Variants in AKAP10 observed in about 807,000 individuals in gnomAD.
The protein encoded by AKAP10 is A-kinase anchor protein 10, mitochondrial.
AKAP10 carries 24 observed loss-of-function variants against 80.8 expected under a neutral mutation model. That is an observed-to-expected ratio of 0.30 (90% confidence interval 0.22 to 0.42). AKAP10 has a LOEUF of 0.42. Ranked by LOEUF, AKAP10 falls within the 10% of genes least tolerant of loss-of-function variation. AKAP10 has a pLI of 1.00. For synonymous variants in AKAP10, 291 were observed against 277.7 expected (o/e 1.05, Z -0.48); for missense variants, 661 against 794.9 (o/e 0.83, Z 2.03).
Position 19,906,195 on chromosome 17 carries a change from A to G in AKAP10, c.*32T>C. Reference sequence around the variant, plus strand: ...AGGGAAAAAAGTTCTCTTATTTTTCACAAGCAGATTTCCTTTATCTCAAGT... The same window carrying G: ...AGGGAAAAAAGTTCTCTTATTTTTCGCAAGCAGATTTCCTTTATCTCAAGT... On this transcript the variant is annotated 3_prime_UTR_variant, in exon 15 of 15. Transcript: ENST00000225737. 1.9e-6 allele frequency: 3 copies of G among 1,601,264 alleles called. No individual in the cohort carries two copies. Among genetic ancestry groups the G allele is most frequent in the Non-Finnish European group, 1.7e-6 (2 of 1,171,750 alleles).
At chr17:19,937,039 T>TA (rs988616353) in intron 8 of AKAP10, among the ~76,000 whole-genome samples, 2 of 151,576 alleles carry the variant, frequency 1.3e-5, no homozygotes, top group African/African-American at 4.9e-5. Context: ...CTTGATGGGG[T>TA]ATAATGCAGG....
intron 8 of AKAP10, among the ~76,000 whole-genome samples, chr17:19,937,613 G>T (rs1035657988): frequency 6.6e-6 from 1 of 152,158 alleles, no homozygotes; most frequent in Non-Finnish European, 1.5e-5. Context: ...ACTCCTCCAC[G>T]ACTTGAATGT....
At chr17:19,942,402 G>T (rs1477627850) in intron 5 of AKAP10, among the ~76,000 whole-genome samples, 1 of 152,000 alleles carries the variant, frequency 6.6e-6, no homozygotes, top group African/African-American at 2.4e-5. Flanking sequence ...CTAGTAAACT[G>T]GCCCAACATT....
chr17:19,925,021 G>A (rs535599459), intron 10 of AKAP10, among the ~76,000 whole-genome samples: 14 of 152,106 alleles, frequency 9.2e-5, no homozygotes, highest in Non-Finnish European at 1.9e-4. Context: ...AAAATTAGCC[G>A]GGCATGGTGG....
intron 9 of AKAP10, among the ~76,000 whole-genome samples, chr17:19,932,927 GT>G (rs1049405266): frequency 6.6e-6 from 1 of 151,944 alleles, no homozygotes; most frequent in African/African-American, 2.4e-5. Context: ...CGAAGGAAAA[GT>G]TTGTAACTGG....
At chr17:19,918,709 T>A (rs1433058679) in intron 12 of AKAP10, among the ~76,000 whole-genome samples, 1 of 152,208 alleles carries the variant, frequency 6.6e-6, no homozygotes, top group Non-Finnish European at 1.5e-5. Context: ...TACTGTCAAT[T>A]CAACCAAACT....
Position 19,962,954 on chromosome 17 carries a change from T to C in AKAP10, c.205A>G (p.Ser69Gly), listed in dbSNP as rs762802969. Residue 69 changes from serine (S) to glycine (G), a missense_variant, in exon 3 of 15, where the codon AGT (serine) becomes GGT (glycine). Transcript: ENST00000225737. Reference sequence around the variant, plus strand: ...GAAATGGCATTGATTGCAACATGACTTGGTCCTGCAGCCTCCAGCAAGGCA... The same window carrying C: ...GAAATGGCATTGATTGCAACATGACCTGGTCCTGCAGCCTCCAGCAAGGCA... ...NHALLEAAGP[S>G]HVAINAISAN... 1.9e-6 allele frequency: 3 copies of C among 1,614,010 alleles called. No individual in the cohort carries two copies. The Admixed American group carries it at 5.0e-5, about 27-fold the overall frequency.
rs1273839570 is a variant in AKAP10, at chr17:19,977,581, C to T, written c.88+11G>A. ...CCCGGCCTGACTCCCCGCCGGCGCCCCCTCAGCTACCTTTCCGCCGGAAGA... is the reference window on the plus strand; with the variant it reads ...CCCGGCCTGACTCCCCGCCGGCGCCTCCTCAGCTACCTTTCCGCCGGAAGA... On this transcript the variant is annotated intron_variant, in intron 1 of 14. Transcript: ENST00000225737. 23 of 1,233,466 alleles carry T rather than the reference C, an allele frequency of 1.9e-5. No individual in the cohort carries two copies. The highest frequency in any genetic ancestry group is 2.3e-5 in the Non-Finnish European group (23 of 987,800). The allele number at this position is 1,233,466 out of a possible 1,614,324, so 76.4% of individuals were successfully genotyped here. A position where few individuals can be genotyped will look rare whatever the true frequency, so the allele number is the denominator to read the frequency against.
rs184929671 is a variant in AKAP10 at position 19,963,569 on chromosome 17, G to A, written c.137-547C>T. ...CTTTAGGAACAAAACTAAAATTGCAGAATAAATGCTTGGGGTGGGGGGAAC... is the reference window on the plus strand; with the variant it reads ...CTTTAGGAACAAAACTAAAATTGCAAAATAAATGCTTGGGGTGGGGGGAAC... On this transcript the variant is annotated intron_variant, in intron 2 of 14. Coordinates refer to ENST00000225737, the MANE Select transcript of AKAP10 (RefSeq NM_007202.4). 2.0e-5 allele frequency among the ~76,000 whole-genome samples: 3 copies of A among 151,968 alleles called. No homozygotes were observed. In the South Asian group the frequency reaches 6.2e-4, roughly 31 times the overall value.
chr17:19,936,259 T>C (rs1222204557), intron 9 of AKAP10, 27 bp downstream of exon 9: 1 of 1,593,810 alleles, frequency 6.3e-7, no homozygotes, highest in Non-Finnish European at 8.6e-7. Context: ...CTTCTTGTAG[T>C]TTGATACGTT....
chr17:19,933,055 G>A (rs531105509), intron 9 of AKAP10, among the ~76,000 whole-genome samples: 59 of 152,024 alleles, frequency 3.9e-4, no homozygotes, highest in Non-Finnish European at 6.5e-4. Flanking sequence ...TTTCGCTTTT[G>A]TCCCCCGGGC....
chr17:19,921,842 G>A (rs529442021), intron 11 of AKAP10, among the ~76,000 whole-genome samples: 9 of 152,230 alleles, frequency 5.9e-5, no homozygotes, highest in Admixed American at 5.2e-4. Flanking sequence ...ACTATGAGAT[G>A]CTCTGCTACA....
At chr17:19,975,631 G>A (rs1194765079) in intron 1 of AKAP10, among the ~76,000 whole-genome samples, 2 of 152,078 alleles carry the variant, frequency 1.3e-5, no homozygotes, top group Admixed American at 6.6e-5. Flanking sequence ...CACTTACATG[G>A]AGCGAAAGGG....
chr17:19,929,556 G>A (rs1162804012), intron 10 of AKAP10: 7 of 152,090 alleles, frequency 4.6e-5, no homozygotes, highest in African/African-American at 1.7e-4. Context: ...GGTTAGTTCT[G>A]CTTGTGAACA....
intron 2 of AKAP10, among the ~76,000 whole-genome samples, chr17:19,966,102 TATATA>T (rs1205250504): frequency 1.3e-5 from 2 of 152,240 alleles, no homozygotes; most frequent in Non-Finnish European, 2.9e-5. Flanking sequence ...TAAAATAACA[TATATA>T]ACATATATAA....
At chr17:19,942,094 G>C (rs1280726852) in intron 5 of AKAP10, among the ~76,000 whole-genome samples, 184 bp from the exon 6 acceptor site, 1 of 152,152 alleles carries the variant, frequency 6.6e-6, no homozygotes, top group Non-Finnish European at 1.5e-5. Context: ...ATATGCAAAA[G>C]CAGAAATCAA....
chr17:19,936,469 T>A, intron 8 of AKAP10, 39 bp from the exon 9 acceptor site: 2 of 1,572,190 alleles, frequency 1.3e-6, no homozygotes. Context: ...TCAAATTCCA[T>A]AGCAAGTATA....
chr17:19,928,058 A>G (rs187197434), intron 10 of AKAP10, among the ~76,000 whole-genome samples: 2 of 152,166 alleles, frequency 1.3e-5, no homozygotes, highest in East Asian at 1.9e-4. Flanking sequence ...TGTCACTAGT[A>G]AAAATACAAA....
At chr17:19,946,273 ATATTTTTTTTTTTTTTTT>A (rs2043128242) in intron 5 of AKAP10, among the ~76,000 whole-genome samples, 1 of 19,808 alleles carries the variant, frequency 5.0e-5, no homozygotes, top group African/African-American at 2.0e-4. Flanking sequence ...ATATATATAT[ATATTTTTTTTTTTTTTTT>A]TTTTTTTTGG....
Sources: gnomAD v4.1 joint callset for allele counts (sites outside exome capture counted in the v4.1 genomes callset) on GRCh38, gnomAD v4.1.1 for gene constraint, MANE v1.5 for transcripts, NCBI Gene and HGNC (gene_info 2026-07-23, HGNC 2026-07-21) for gene names.